Variants in MARCHF11 observed in about 807,000 individuals in gnomAD.
MARCHF11 encodes the protein E3 ubiquitin-protein ligase MARCHF11.
MARCHF11 carries 29 observed loss-of-function variants against 37.3 expected under a neutral mutation model. The observed-to-expected ratio is 0.78, with a 90% CI of 0.58 to 1.06. The LOEUF (loss-of-function observed/expected upper bound fraction) is 1.06, where lower values mean the gene tolerates loss of function less well. Ranked by LOEUF, MARCHF11 falls within the 50% of genes least tolerant of loss-of-function variation. The pLI is 0.00. For missense variants in MARCHF11, 482 were observed against 533.4 expected, an observed-to-expected ratio of 0.90 and a Z score of 0.95; for synonymous variants, 233 against 228.0, an observed-to-expected ratio of 1.02 and a Z score of -0.20.
intron 2 of MARCHF11, among the ~76,000 whole-genome samples, chr5:16,125,119 A>G (rs971443521): frequency 1.3e-5 from 2 of 151,400 alleles, no homozygotes; most frequent in Non-Finnish European, 3.0e-5. Flanking sequence ...GTGACAGCAA[A>G]GTGGTGTTTA....
chr5:16,168,582 C>T (rs1394121433), intron 2 of MARCHF11, among the ~76,000 whole-genome samples: 1 of 152,046 alleles, frequency 6.6e-6, no homozygotes, highest in African/African-American at 2.4e-5. Context: ...TTTCTGCTTC[C>T]AGGGGAAGAA....
chr5:16,168,845 T>G (rs2591986), intron 2 of MARCHF11, among the ~76,000 whole-genome samples: 140,502 of 152,070 alleles, frequency 0.92, 65,726 homozygotes, highest in East Asian at 1. Flanking sequence ...TCTAAGATTT[T>G]TATTTCCTCT....
chr5:16,152,028 C>T (rs1737898397), intron 2 of MARCHF11, among the ~76,000 whole-genome samples: 1 of 151,944 alleles, frequency 6.6e-6, no homozygotes, highest in African/African-American at 2.4e-5. Flanking sequence ...GTGAGGATAG[C>T]AGAAACTCAT....
chr5:16,121,826 T>A (rs1737313553), intron 2 of MARCHF11, among the ~76,000 whole-genome samples: 1 of 152,154 alleles, frequency 6.6e-6, no homozygotes, highest in Non-Finnish European at 1.5e-5. Flanking sequence ...TCTTCACCAC[T>A]CCATCAACCC....
chr5:16,143,925 G>A (rs1235555727), intron 2 of MARCHF11, among the ~76,000 whole-genome samples: 1 of 152,182 alleles, frequency 6.6e-6, no homozygotes, highest in Non-Finnish European at 1.5e-5. Context: ...AAGGCCTGTA[G>A]TCAGTAGATC....
chr5:16,161,807 A>G (rs1560992793), intron 2 of MARCHF11, among the ~76,000 whole-genome samples: 2 of 151,916 alleles, frequency 1.3e-5, no homozygotes, highest in African/African-American at 4.8e-5. Flanking sequence ...AATATCTCCC[A>G]ATTATATTAT....
chr5:16,146,001 C>T (rs1050226547), intron 2 of MARCHF11, among the ~76,000 whole-genome samples: 3 of 152,172 alleles, frequency 2.0e-5, no homozygotes, highest in Non-Finnish European at 4.4e-5. Flanking sequence ...CCAACACTCA[C>T]AAATTCCATA....
At chr5:16,122,744 A>G (rs990431954) in intron 2 of MARCHF11, among the ~76,000 whole-genome samples, 2 of 152,134 alleles carry the variant, frequency 1.3e-5, no homozygotes, top group South Asian at 4.1e-4. Context: ...GTGGTAGTAA[A>G]GTGAGGAGTC....
chr5:16,164,748 T>G (rs571873710), intron 2 of MARCHF11, among the ~76,000 whole-genome samples: 1 of 152,202 alleles, frequency 6.6e-6, no homozygotes, highest in South Asian at 2.1e-4. Context: ...ATTAAAAACC[T>G]ATTGCTTCTA....
intron 3 of MARCHF11, among the ~76,000 whole-genome samples, chr5:16,073,468 A>T (rs1736469754): frequency 6.6e-6 from 1 of 152,174 alleles, no homozygotes; most frequent in African/African-American, 2.4e-5. Flanking sequence ...AATATGCATA[A>T]AAGCAATAAC....
intron 2 of MARCHF11, among the ~76,000 whole-genome samples, chr5:16,147,913 T>C (rs1016689853): frequency 6.6e-6 from 1 of 152,170 alleles, no homozygotes; most frequent in Non-Finnish European, 1.5e-5. Context: ...ATGCATTCAA[T>C]GAGTACACTT....
chr5:16,179,006 C>T (rs1465431557), intron 1 of MARCHF11, 33 bp downstream of exon 1: 1 of 1,400,948 alleles, frequency 7.1e-7, no homozygotes, highest in Non-Finnish European at 9.3e-7. Context: ...CTGGAGCCGC[C>T]ACCGGCTGCC....
chr5:16,069,727 A>G (rs1427620160), intron 3 of MARCHF11, among the ~76,000 whole-genome samples: 1 of 152,164 alleles, frequency 6.6e-6, no homozygotes, highest in African/African-American at 2.4e-5. Context: ...GGCTGGAGGA[A>G]TGCGTGATTG....
chr5:16,083,814 C>T (rs1474886348), intron 3 of MARCHF11, among the ~76,000 whole-genome samples: 1 of 151,998 alleles, frequency 6.6e-6, no homozygotes, highest in Non-Finnish European at 1.5e-5. Flanking sequence ...TTATGCTTTC[C>T]TTATTCTAGC....
intron 2 of MARCHF11, among the ~76,000 whole-genome samples, chr5:16,162,972 G>C (rs1359123680): frequency 6.6e-6 from 1 of 151,938 alleles, no homozygotes; most frequent in East Asian, 1.9e-4. Context: ...CTGAGTAAGT[G>C]GCTGAGCTGA....
chr5:16,123,698 C>T (rs1313758591), intron 2 of MARCHF11, among the ~76,000 whole-genome samples: 5 of 152,140 alleles, frequency 3.3e-5, no homozygotes, highest in African/African-American at 7.2e-5. Context: ...CCAGAAGCCA[C>T]GTATTCATAT....
At chr5:16,124,151 A>T (rs778864673) in intron 2 of MARCHF11, among the ~76,000 whole-genome samples, 3 of 152,182 alleles carry the variant, frequency 2.0e-5, no homozygotes, top group Admixed American at 6.5e-5. Context: ...AATGACCAGG[A>T]TGGGAAGCAG....
At chr5:16,070,959 T>C (rs922699672) in intron 3 of MARCHF11, among the ~76,000 whole-genome samples, 3 of 152,162 alleles carry the variant, frequency 2.0e-5, no homozygotes, top group Admixed American at 6.5e-5. Context: ...TCCCCCTTTT[T>C]CTTTAAATGC....
chr5:16,069,959 T>C (rs1242430531), intron 3 of MARCHF11, among the ~76,000 whole-genome samples: 2 of 152,180 alleles, frequency 1.3e-5, no homozygotes, highest in African/African-American at 4.8e-5. Context: ...GCATTCCAAA[T>C]ATATTAATAT....
Sources: gnomAD v4.1 joint callset for allele counts (sites outside exome capture counted in the v4.1 genomes callset) on GRCh38, gnomAD v4.1.1 for gene constraint, MANE v1.5 for transcripts, NCBI Gene and HGNC (gene_info 2026-07-23, HGNC 2026-07-21) for gene names.